CEP126: variants seen among roughly 807,000 people sequenced by gnomAD.
CEP126 encodes centrosomal protein of 126 kDa.
Under a neutral mutation model 107.8 loss-of-function variants are expected in CEP126, and 74 were observed. The observed-to-expected ratio is 0.69, with a 90% confidence interval of 0.57 to 0.83. CEP126 has a LOEUF of 0.83. Ranked by LOEUF, CEP126 falls within the 40% of genes least tolerant of loss-of-function variation. The pLI is 0.00. For missense variants in CEP126, 1,237 were observed against 1,281.9 expected (o/e 0.96, Z 0.53); for synonymous variants, 449 against 446.0 (o/e 1.01, Z -0.08).
intron 2 of CEP126, among the ~76,000 whole-genome samples, chr11:101,927,488 C>T (rs1244917951): frequency 1.3e-5 from 2 of 152,030 alleles, no homozygotes; most frequent in Non-Finnish European, 2.9e-5. Context: ...AATATGTTTA[C>T]AGTCAAGAAA....
rs192130130 is a variant in CEP126, at chr11:101,966,685, A to G, written c.2845+2805A>G. Reference sequence around the variant, plus strand: ...CCCTCTCACTCCTTTTTCATCTCTAATAACTTTCTATACAATTCTGCCTCA... The same window carrying G: ...CCCTCTCACTCCTTTTTCATCTCTAGTAACTTTCTATACAATTCTGCCTCA... On this transcript the variant is annotated intron_variant, in intron 6 of 10. Coordinates refer to ENST00000263468, the MANE Select transcript of CEP126 (RefSeq NM_020802.4). 1.4e-3 allele frequency among the ~76,000 whole-genome samples: 218 copies of G among 152,248 alleles called. 1 individual carries two copies. The highest frequency in any genetic ancestry group is 2.0e-3 in the Non-Finnish European group (139 of 68,012).
At chr11:101,932,925 C>G (rs1044213573) in intron 2 of CEP126, among the ~76,000 whole-genome samples, 1 of 152,124 alleles carries the variant, frequency 6.6e-6, no homozygotes, top group Middle Eastern at 3.2e-3. Flanking sequence ...TTATTAAATA[C>G]AAATAATAGA....
rs1045826581 is a variant in CEP126 at position 101,922,451 on chromosome 11, C to T, written c.129-190C>T. Among the ~76,000 whole-genome samples the T allele has an allele frequency of 1.6e-4, 25 of 152,196 alleles. No individual in the cohort carries two copies. The East Asian group carries it at 2.7e-3, about 16-fold the overall frequency. On this transcript the variant is annotated intron_variant, in intron 1 of 10. Transcript: ENST00000263468. ...GTGATGGATTACAGGTGTGAGCCAC[C>T]GCACCCAGCCCCGAATTTTTTTTAC...
intron 6 of CEP126, among the ~76,000 whole-genome samples, chr11:101,971,484 G>A (rs1163837679): frequency 6.6e-6 from 1 of 152,170 alleles, no homozygotes; most frequent in East Asian, 1.9e-4. Context: ...AGCAGAGATA[G>A]CTATAAAGTC....
intron 7 of CEP126, among the ~76,000 whole-genome samples, chr11:101,980,747 C>T (rs1001004569): frequency 6.6e-6 from 1 of 152,160 alleles, no homozygotes; most frequent in Non-Finnish European, 1.5e-5. Context: ...TTCTCCAGCC[C>T]ATGACATCTA....
intron 1 of CEP126, among the ~76,000 whole-genome samples, chr11:101,920,757 C>T (rs546108038): frequency 6.6e-6 from 1 of 152,044 alleles, no homozygotes; most frequent in Admixed American, 6.6e-5. Flanking sequence ...AGGCATACAC[C>T]ACCACACCTG....
chr11:101,934,095 T>G (rs1208111366), intron 2 of CEP126, among the ~76,000 whole-genome samples: 2 of 151,968 alleles, frequency 1.3e-5, no homozygotes, highest in East Asian at 3.9e-4. Context: ...TTGCTCTCCC[T>G]TTTCTCTAAA....
intron 8 of CEP126, among the ~76,000 whole-genome samples, chr11:101,982,393 G>A (rs920373400): frequency 8.5e-5 from 13 of 152,050 alleles, no homozygotes; most frequent in Admixed American, 5.9e-4. Context: ...TGTGTCCAGT[G>A]GTGTATGTCA....
intron 6 of CEP126, among the ~76,000 whole-genome samples, chr11:101,964,952 T>C (rs959553040): frequency 6.6e-6 from 1 of 152,204 alleles, no homozygotes; most frequent in Non-Finnish European, 1.5e-5. Context: ...TGAGTTGCTA[T>C]AAACTAATAT....
intron 2 of CEP126, among the ~76,000 whole-genome samples, chr11:101,935,943 G>C (rs944121044): frequency 6.6e-6 from 1 of 152,044 alleles, no homozygotes; most frequent in Admixed American, 6.5e-5. Flanking sequence ...ACTCTCCTCA[G>C]TTGGGAACCA....
At chr11:101,920,198 G>A (rs573694169) in intron 1 of CEP126, among the ~76,000 whole-genome samples, 38 of 152,088 alleles carry the variant, frequency 2.5e-4, no homozygotes, top group African/African-American at 8.7e-4. Flanking sequence ...AAACAAATAA[G>A]CCCCCATCAG....
At chr11:101,954,645 C>T (rs10895229) in intron 4 of CEP126, among the ~76,000 whole-genome samples, 81,159 of 150,864 alleles carry the variant, frequency 0.54, 22,363 homozygotes, top group East Asian at 0.77. Flanking sequence ...TTTATATATA[C>T]ATATATATAT....
At position 101,915,084 on chromosome 11, in the gene CEP126, C is replaced by G; in HGVS notation, c.-201C>G. On this transcript the variant is annotated 5_prime_UTR_variant, in exon 1 of 11. Transcript: ENST00000263468. ...ATCTGCTATTGCCCGGCGAGGTCGC[C>G]GCTGCCTCAGCTGCCATCGCCGCTA... The G allele has an allele frequency of 2.9e-6, 2 of 697,772 alleles. No homozygotes were observed. Among genetic ancestry groups the G allele is most frequent in the Non-Finnish European group, 2.2e-6 (1 of 452,270 alleles). The allele number at this position is 697,772 out of a possible 1,614,324, so 43.2% of individuals were successfully genotyped here. A position where few individuals can be genotyped will look rare whatever the true frequency, so the allele number is the denominator to read the frequency against.
intron 2 of CEP126, among the ~76,000 whole-genome samples, chr11:101,940,380 C>CA (rs1940647012): frequency 6.7e-6 from 1 of 149,416 alleles, no homozygotes; most frequent in Non-Finnish European, 1.5e-5. Flanking sequence ...AAGAAGAAAA[C>CA]AAACAATTTT....
In CEP126 at chr11:101,958,210, T is replaced by A. The variant is rs780168468; in HGVS notation, c.549T>A (p.Asp183Glu). ...SALPSALSKN[D>E]HKHQKQLLSK... ...TGCCTTCCGCATTATCAAAAAATGA[T>A]CACAAGCATCAGAAACAACTCTTAT... Residue 183 changes from aspartate to glutamate, a missense_variant, in exon 5 of 11, where the codon GAT (aspartate) becomes GAA (glutamate). This residue lies in a region of CEP126 where 1,134 missense variants were observed against 1,150.5 expected (regional missense o/e 0.99). Coordinates refer to ENST00000263468, the MANE Select transcript of CEP126 (RefSeq NM_020802.4). 4 of 1,613,892 alleles carry A rather than the reference T, an allele frequency of 2.5e-6. No homozygotes were observed. The South Asian group carries it at 4.4e-5, about 18-fold the overall frequency.
intron 2 of CEP126, among the ~76,000 whole-genome samples, chr11:101,936,570 C>T (rs1332091234): frequency 1.3e-5 from 2 of 152,068 alleles, no homozygotes; most frequent in African/African-American, 2.4e-5. Flanking sequence ...TTGTTGGCCT[C>T]AGTGAACTTT....
At chr11:101,986,736 A>G in intron 8 of CEP126, 96 bp from the exon 9 acceptor site, 1 of 814,966 alleles carries the variant, frequency 1.2e-6, no homozygotes, top group Non-Finnish European at 2.0e-6. Flanking sequence ...GAATACATAC[A>G]GACAGTTAAG....
chr11:101,947,701 A>G (rs1253566715), intron 3 of CEP126, among the ~76,000 whole-genome samples: 4 of 152,134 alleles, frequency 2.6e-5, no homozygotes, highest in African/African-American at 9.7e-5. Flanking sequence ...TTTTCTTCAT[A>G]GGAACATTTA....
chr11:101,933,814 A>ACCCC (rs150633052), intron 2 of CEP126, among the ~76,000 whole-genome samples: 79 of 122,692 alleles, frequency 6.4e-4, no homozygotes, highest in Non-Finnish European at 8.0e-4. Context: ...CACCCCCGAG[A>ACCCC]CCCCCCCCCC....
Sources: gnomAD v4.1 joint callset for allele counts (sites outside exome capture counted in the v4.1 genomes callset) on GRCh38, gnomAD v4.1.1 for gene constraint, gnomAD v4.1.1 regional missense constraint, MANE v1.5 for transcripts, NCBI Gene and HGNC (gene_info 2026-07-23, HGNC 2026-07-21) for gene names.